Variants in VEPH1 observed in about 807,000 individuals in gnomAD.
VEPH1 encodes ventricular zone-expressed PH domain-containing protein homolog 1.
In VEPH1, 80 loss-of-function variants were observed where a neutral mutation model predicts 85.2. The observed-to-expected ratio is 0.94, with a 90% CI of 0.78 to 1.13. VEPH1 has a LOEUF of 1.13. Ranked by LOEUF, VEPH1 falls within the 50% of genes most tolerant of loss-of-function variation. VEPH1 has a pLI of 0.00. For synonymous variants in VEPH1, 297 were observed against 348.0 expected, an observed-to-expected ratio of 0.85 and a Z score of 1.63; for missense variants, 955 against 980.5, an observed-to-expected ratio of 0.97 and a Z score of 0.35.
chr3:157,455,819 T>C lies in VEPH1; in HGVS notation c.529+4362A>G, dbSNP rs549386632. Among the ~76,000 whole-genome samples the C allele has an allele frequency of 5.3e-5, 8 of 152,340 alleles. No individual in the cohort carries two copies. In the East Asian group the frequency reaches 1.5e-3, roughly 29 times the overall value. On this transcript the variant is annotated intron_variant, in intron 4 of 13. Coordinates refer to ENST00000362010, the MANE Select transcript of VEPH1 (RefSeq NM_001167912.2). ...TAGGTATCACATTTTCTTTAGCCAG[T>C]CTATGATTGATGGGCGTTTAGGTTG...
At chr3:157,365,939 C>T (rs1726639285) in intron 7 of VEPH1, among the ~76,000 whole-genome samples, 1 of 152,202 alleles carries the variant, frequency 6.6e-6, no homozygotes, top group East Asian at 1.9e-4. Flanking sequence ...ACTCGATCTT[C>T]AGCCCCTCTC....
chr3:157,368,742 C>T lies in VEPH1; in HGVS notation c.1128-4230G>A, dbSNP rs537123650. ...TCCTGACCTCGTGATCCTCCCGCCT[C>T]GGCCACCCAAAGTGCTGGGATTACA... On this transcript the variant is annotated intron_variant, in intron 7 of 13. Coordinates refer to ENST00000362010, the MANE Select transcript of VEPH1 (RefSeq NM_001167912.2). Among the ~76,000 whole-genome samples, 5 of 152,214 alleles carry T rather than the reference C, an allele frequency of 3.3e-5. No individual in the cohort carries two copies. The East Asian group carries it at 9.7e-4, about 29-fold the overall frequency.
At chr3:157,420,227 TGG>T (rs1732226817) in intron 5 of VEPH1, among the ~76,000 whole-genome samples, 2 of 152,048 alleles carry the variant, frequency 1.3e-5, no homozygotes, top group Non-Finnish European at 2.9e-5. Flanking sequence ...AATGCATGCT[TGG>T]CTTAATACCC....
chr3:157,286,590 A>G lies in VEPH1; in HGVS notation c.2095T>C (p.Cys699Arg), dbSNP rs916232303. 1.2e-6 allele frequency: 2 copies of G among 1,613,990 alleles called. No individual in the cohort carries two copies. Among genetic ancestry groups the G allele is most frequent in the African/African-American group, 2.7e-5 (2 of 74,916 alleles). ...GFSETAGAWQCFMCNNPEKAT... is the reference protein window; with the variant it reads ...GFSETAGAWQRFMCNNPEKAT... ...TTCTCAGGATTGTTGCACATGAAGC[A>G]TTGCCATGCTCCTGCTGTTTCACTG... Residue 699 changes from cysteine (C) to arginine (R), a missense_variant, in exon 12 of 14, where the codon TGC becomes CGC. Transcript: ENST00000362010.
Position 157,438,037 on chromosome 3 carries a change from G to GCGCACACACACACA in VEPH1, c.530-9550_530-9549insTGTGTGTGTGTGCG, listed in dbSNP as rs1553786688. ...TCATGGGAAGCGCGCGCGCGCGCGC[G>GCGCACACACACACA]CACACACACACACACACACACACAC... On this transcript the variant is annotated intron_variant, in intron 4 of 13. Coordinates refer to ENST00000362010, the MANE Select transcript of VEPH1 (RefSeq NM_001167912.2). The GCGCACACACACACA allele has an allele frequency of 5.0e-5, 26 of 516,098 alleles. No individual in the cohort carries two copies. The South Asian group carries it at 5.9e-4, about 12-fold the overall frequency. The allele number at this position is 516,098 out of a possible 1,614,324, so 32.0% of individuals were successfully genotyped here.
At chr3:157,328,261 G>C (rs1259609671) in intron 9 of VEPH1, among the ~76,000 whole-genome samples, 1 of 152,104 alleles carries the variant, frequency 6.6e-6, no homozygotes, top group Non-Finnish European at 1.5e-5. Flanking sequence ...ACATGTGCTT[G>C]GCACAGAGCA....
chr3:157,275,012 C>T (rs1006797201), intron 12 of VEPH1, among the ~76,000 whole-genome samples: 12 of 152,098 alleles, frequency 7.9e-5, no homozygotes, highest in African/African-American at 2.4e-4. Context: ...TGCTTGTTCT[C>T]GTGACAGTCT....
At position 157,437,807 on chromosome 3, in the gene VEPH1, C is replaced by G. The variant is rs757446502; in HGVS notation, c.530-9319G>C. 4.8e-6 allele frequency: 7 copies of G among 1,461,822 alleles called. No individual in the cohort carries two copies. The highest frequency in any genetic ancestry group is 2.4e-4 in the Middle Eastern group (1 of 4,132). The allele number at this position is 1,461,822 out of a possible 1,614,324, so 90.6% of individuals were successfully genotyped here. A position where few individuals can be genotyped will look rare whatever the true frequency, so the allele number is the denominator to read the frequency against. Reference sequence around the variant, plus strand: ...ATGGAGGGCGCGGAGGCGCAGCGCCCAGAGGAGGCGGGGCGCGCCCTGGCC... The same window carrying G: ...ATGGAGGGCGCGGAGGCGCAGCGCCGAGAGGAGGCGGGGCGCGCCCTGGCC... On this transcript the variant is annotated intron_variant, in intron 4 of 13. Coordinates refer to ENST00000362010, the MANE Select transcript of VEPH1 (RefSeq NM_001167912.2).
chr3:157,437,021 T>C (rs1733643288), intron 4 of VEPH1: 5 of 1,614,094 alleles, frequency 3.1e-6, no homozygotes, highest in Non-Finnish European at 4.2e-6. Flanking sequence ...GTATGTGAAT[T>C]TGGACAACGA....
intron 9 of VEPH1, among the ~76,000 whole-genome samples, chr3:157,348,370 A>G (rs62278583): frequency 0.24 from 35,808 of 151,928 alleles, 4,952 homozygotes; most frequent in Admixed American, 0.44. Context: ...ATTCCCAACA[A>G]CGTGTAAGAG....
chr3:157,376,018 G>A (rs1205363046), intron 7 of VEPH1, among the ~76,000 whole-genome samples: 1 of 152,146 alleles, frequency 6.6e-6, no homozygotes, highest in Admixed American at 6.5e-5. Flanking sequence ...GGATCTGAGG[G>A]AACTGTAACC....
intron 2 of VEPH1, among the ~76,000 whole-genome samples, chr3:157,481,433 AACAC>A (rs1177654727): frequency 1.2e-3 from 48 of 38,660 alleles, no homozygotes; most frequent in East Asian, 3.3e-3. Flanking sequence ...TATGGAACCA[AACAC>A]ACACACACAC....
intron 6 of VEPH1, among the ~76,000 whole-genome samples, chr3:157,389,108 A>G (rs1478322103): frequency 6.6e-6 from 1 of 152,206 alleles, no homozygotes; most frequent in Non-Finnish European, 1.5e-5. Flanking sequence ...TGATTCATAC[A>G]TAACATTGTT....
rs182004342 is a variant in VEPH1, at chr3:157,260,468, A to G, written c.*666T>C. The G allele has an allele frequency of 4.6e-5, 7 of 152,332 alleles. No homozygotes were observed. Among genetic ancestry groups the G allele is most frequent in the East Asian group, 1.9e-4 (1 of 5,182 alleles). The allele number at this position is 152,332 out of a possible 1,614,324, so 9.4% of individuals were successfully genotyped here. ...ACACTTAGTGCCTTGGGCAGGATAT[A>G]TGTCCAAGTATCTAAACTGTAGATT... On this transcript the variant is annotated 3_prime_UTR_variant, in exon 14 of 14. Coordinates refer to ENST00000362010, the MANE Select transcript of VEPH1 (RefSeq NM_001167912.2).
chr3:157,314,330 CAAAAA>C (rs34703314), intron 10 of VEPH1, among the ~76,000 whole-genome samples: 507 of 43,014 alleles, frequency 0.012, no homozygotes, highest in African/African-American at 0.023. Flanking sequence ...GAGGATCCGT[CAAAAA>C]AAAAAAAAAA....
chr3:157,322,163 T>C (rs2108555667), intron 9 of VEPH1, among the ~76,000 whole-genome samples: 1 of 152,288 alleles, frequency 6.6e-6, no homozygotes, highest in South Asian at 2.1e-4. Context: ...TTTCTGTCTT[T>C]ATGAATTTGA....
At position 157,381,524 on chromosome 3, in the gene VEPH1, C is replaced by T. The variant is rs1380024285; in HGVS notation, c.907-148G>A. ...ATCGAGAACAGGAGTTTGCAACCAG[C>T]CTGGGCAACATGGTAACACCCCATC... On this transcript the variant is annotated intron_variant, in intron 6 of 13. Transcript: ENST00000362010. 3 of 717,664 alleles carry T rather than the reference C, an allele frequency of 4.2e-6. No homozygotes were observed. The Admixed American group carries it at 7.9e-5, about 19-fold the overall frequency. The allele number at this position is 717,664 out of a possible 1,614,324, so 44.5% of individuals were successfully genotyped here.
chr3:157,431,903 A>C (rs1733188738), intron 4 of VEPH1, among the ~76,000 whole-genome samples: 1 of 151,844 alleles, frequency 6.6e-6, no homozygotes, highest in Non-Finnish European at 1.5e-5. Context: ...GCTGGAGTGC[A>C]GTGGCGTGAT....
chr3:157,263,375 A>T (rs569376180), intron 13 of VEPH1, among the ~76,000 whole-genome samples: 152 of 152,310 alleles, frequency 1.0e-3, no homozygotes, highest in Middle Eastern at 3.4e-3. Flanking sequence ...AAACCTTATT[A>T]AAAAAGCCAT....
Sources: allele counts gnomAD v4.1 joint callset (sites outside exome capture counted in the v4.1 genomes callset), GRCh38; gene constraint gnomAD v4.1.1; transcripts MANE v1.5; gene names NCBI Gene and HGNC (gene_info 2026-07-23, HGNC 2026-07-21).